Variants in GPC6 observed in about 807,000 individuals in gnomAD.
GPC6 encodes the protein glypican 6.
GPC6 carries 14 observed loss-of-function variants against 55.2 expected under a neutral mutation model. The observed-to-expected ratio is 0.25, with a 90% CI of 0.17 to 0.40. The LOEUF is 0.40. Ranked by LOEUF, GPC6 falls within the 10% of genes least tolerant of loss-of-function variation. The pLI, the probability that GPC6 is intolerant of heterozygous loss-of-function variation, is 1.00. For synonymous variants in GPC6, 278 were observed against 259.6 expected, an observed-to-expected ratio of 1.07 and a Z score of -0.68; for missense variants, 641 against 708.5, an observed-to-expected ratio of 0.90 and a Z score of 1.08.
Position 94,141,409 on chromosome 13 carries a change from C to T in GPC6, c.877+113515C>T, listed in dbSNP as rs193290976. The stretch of plus-strand genomic sequence containing the variant: ...GTGACTTAACCCTTGTCTGGCATGG[C>T]GTTAGGTCCTGTTTATAACTCGGTC... On this transcript the variant is annotated intron_variant, in intron 4 of 8. Transcript: ENST00000377047. 3.1e-3 allele frequency among the ~76,000 whole-genome samples: 465 copies of T among 152,182 alleles called. 1 individual carries two copies. Among genetic ancestry groups the T allele is most frequent in the Non-Finnish European group, 2.3e-3 (155 of 68,002 alleles).
chr13:93,492,227 G>T (rs374274369), intron 1 of GPC6, among the ~76,000 whole-genome samples: 2 of 146,484 alleles, frequency 1.4e-5, no homozygotes, highest in Non-Finnish European at 3.0e-5. Context: ...TCCTTGAAGA[G>T]GTCCTTCACA....
chr13:93,846,897 T>G (rs1888200105), intron 3 of GPC6, among the ~76,000 whole-genome samples: 1 of 152,314 alleles, frequency 6.6e-6, no homozygotes, highest in South Asian at 2.1e-4. Context: ...AGTATGGAGA[T>G]AATGTTTTAA....
At chr13:93,853,371 C>T (rs866467508) in intron 3 of GPC6, among the ~76,000 whole-genome samples, 72 of 151,602 alleles carry the variant, frequency 4.7e-4, no homozygotes, top group African/African-American at 1.7e-3. Context: ...TATCATATTA[C>T]CATTCTCCAC....
intron 1 of GPC6, among the ~76,000 whole-genome samples, chr13:93,440,435 A>G (rs550636002): frequency 1.3e-5 from 2 of 152,282 alleles, no homozygotes; most frequent in South Asian, 2.1e-4. Flanking sequence ...CAAATTTCAC[A>G]GTTTTCTTGC....
At chr13:93,626,989 G>T (rs61964567) in intron 2 of GPC6, among the ~76,000 whole-genome samples, 1 of 151,944 alleles carries the variant, frequency 6.6e-6, no homozygotes, top group Non-Finnish European at 1.5e-5. Flanking sequence ...GAGAGAGAGA[G>T]GGAAGTGCTA....
chr13:94,331,419 T>C (rs1420118119), intron 6 of GPC6, among the ~76,000 whole-genome samples: 4 of 152,092 alleles, frequency 2.6e-5, no homozygotes, highest in Admixed American at 6.5e-5. Flanking sequence ...GGTTGAGTGA[T>C]TGCTGACCAT....
intron 4 of GPC6, among the ~76,000 whole-genome samples, chr13:94,062,727 A>G (rs943915): frequency 0.58 from 87,602 of 152,084 alleles, 27,358 homozygotes; most frequent in Middle Eastern, 0.73. Flanking sequence ...ACTGTAAATC[A>G]TATGAAAAAC....
intron 1 of GPC6, among the ~76,000 whole-genome samples, chr13:93,504,892 A>G (rs1376624380): frequency 6.6e-6 from 1 of 152,124 alleles, no homozygotes; most frequent in Non-Finnish European, 1.5e-5. Flanking sequence ...ATTACTAGTA[A>G]ATATATAGCC....
At chr13:93,442,460 C>T (rs916069308) in intron 1 of GPC6, among the ~76,000 whole-genome samples, 1 of 152,160 alleles carries the variant, frequency 6.6e-6, no homozygotes, top group Non-Finnish European at 1.5e-5. Flanking sequence ...CTCAGAATAA[C>T]AATCTCTTTA....
At chr13:94,212,924 A>G (rs996064769) in intron 4 of GPC6, among the ~76,000 whole-genome samples, 2 of 152,182 alleles carry the variant, frequency 1.3e-5, no homozygotes, top group Non-Finnish European at 2.9e-5. Context: ...TTGGGAGGCC[A>G]AGGTGGGCAG....
At chr13:94,106,926 G>A (rs1224620531) in intron 4 of GPC6, among the ~76,000 whole-genome samples, 1 of 152,262 alleles carries the variant, frequency 6.6e-6, no homozygotes, top group Admixed American at 6.5e-5. Flanking sequence ...TAAGTAGTGG[G>A]TTCAGTCATC....
chr13:93,818,885 C>G (rs935655203), intron 2 of GPC6: 4 of 152,072 alleles, frequency 2.6e-5, no homozygotes, highest in Non-Finnish European at 1.5e-5. Flanking sequence ...CTTCCACTGC[C>G]CATGGAACCA....
intron 1 of GPC6, among the ~76,000 whole-genome samples, chr13:93,384,260 A>C (rs567859591): frequency 2.0e-5 from 3 of 152,268 alleles, no homozygotes; most frequent in African/African-American, 7.2e-5. Context: ...TTAGAGACAA[A>C]AAGGAAGTCA....
intron 4 of GPC6, among the ~76,000 whole-genome samples, chr13:94,055,330 G>A (rs973570038): frequency 6.6e-6 from 1 of 152,140 alleles, no homozygotes; most frequent in African/African-American, 2.4e-5. Flanking sequence ...GTGGTCACTA[G>A]CAAAGAAAGG....
At chr13:93,458,865 G>A (rs1016474695) in intron 1 of GPC6, among the ~76,000 whole-genome samples, 5 of 152,056 alleles carry the variant, frequency 3.3e-5, no homozygotes, top group Non-Finnish European at 7.4e-5. Context: ...TGCACAGGGC[G>A]CATGATTTGA....
chr13:94,294,999 T>C (rs1056932454), intron 5 of GPC6, among the ~76,000 whole-genome samples: 1 of 152,180 alleles, frequency 6.6e-6, no homozygotes, highest in Non-Finnish European at 1.5e-5. Flanking sequence ...TTGTGCTGAG[T>C]TGAATTCAGA....
At chr13:94,236,886 CT>C (rs34883180) in intron 4 of GPC6, among the ~76,000 whole-genome samples, 419 of 144,850 alleles carry the variant, frequency 2.9e-3, no homozygotes, top group African/African-American at 6.8e-3. Flanking sequence ...AAGCAGAAAG[CT>C]TTTTTTTTTT....
chr13:93,970,390 C>G (rs1410166615), intron 3 of GPC6, among the ~76,000 whole-genome samples: 1 of 152,182 alleles, frequency 6.6e-6, no homozygotes, highest in Non-Finnish European at 1.5e-5. Context: ...AGATAGGGAG[C>G]AGTAATTGAG....
At chr13:93,976,374 A>G (rs1271381555) in intron 3 of GPC6, among the ~76,000 whole-genome samples, 1 of 152,016 alleles carries the variant, frequency 6.6e-6, no homozygotes, top group African/African-American at 2.4e-5. Context: ...ATCATTTTTA[A>G]TTCAATTGAG....
Sources: gnomAD v4.1 joint callset for allele counts (sites outside exome capture counted in the v4.1 genomes callset) on GRCh38, gnomAD v4.1.1 for gene constraint, MANE v1.5 for transcripts, NCBI Gene and HGNC (gene_info 2026-07-23, HGNC 2026-07-21) for gene names.